SAMD5: variants seen among roughly 807,000 people sequenced by gnomAD.
SAMD5 encodes sterile alpha motif domain containing 5.
SAMD5 carries 13 observed loss-of-function variants against 11.3 expected under a neutral mutation model. That is an observed-to-expected ratio of 1.15 (90% CI 0.75 to 1.83). The LOEUF is 1.83. Ranked by LOEUF, SAMD5 falls within the 40% of genes most tolerant of loss-of-function variation. SAMD5 has a pLI of 0.00. For missense variants in SAMD5, 255 were observed against 239.1 expected, an observed-to-expected ratio of 1.07 and a Z score of -0.44; for synonymous variants, 129 against 111.3, an observed-to-expected ratio of 1.16 and a Z score of -1.00.
chr6:147,826,741 G>A, the SAMD5 span, among the ~76,000 whole-genome samples: 3 of 152,208 alleles, frequency 2.0e-5, no homozygotes, highest in East Asian at 3.9e-4. Flanking sequence ...TGTGGGATGA[G>A]TGTGCTATTG....
chr6:147,896,228 A>C, the SAMD5 span, among the ~76,000 whole-genome samples: 1 of 152,056 alleles, frequency 6.6e-6, no homozygotes, highest in Non-Finnish European at 1.5e-5. Context: ...TGTTGAACAC[A>C]TTGTGTGGTG....
chr6:147,875,640 C>T, the SAMD5 span, among the ~76,000 whole-genome samples: 1 of 152,148 alleles, frequency 6.6e-6, no homozygotes, highest in East Asian at 1.9e-4. Context: ...TCTGTCCTCA[C>T]AGCCACTCCC....
At chr6:147,591,151 A>G (rs764427302) in intron 1 of SAMD5, among the ~76,000 whole-genome samples, 14 of 15,530 alleles carry the variant, frequency 9.0e-4, no homozygotes, top group Non-Finnish European at 1.4e-3. Flanking sequence ...TTTATGGGGG[A>G]AAAAAAAAAA....
the SAMD5 span, among the ~76,000 whole-genome samples, chr6:147,870,738 C>A: frequency 7.5e-6 from 1 of 132,782 alleles, no homozygotes; most frequent in Non-Finnish European, 1.5e-5. Context: ...AATCTGGAGG[C>A]GAGGGGAGAG....
At chr6:147,877,919 CTAGCTAGATAGA>C in the SAMD5 span, among the ~76,000 whole-genome samples, 1 of 106,400 alleles carries the variant, frequency 9.4e-6, no homozygotes, top group Non-Finnish European at 2.0e-5. Flanking sequence ...AGCTAGCTAG[CTAGCTAGATAGA>C]TAGATAGATA....
chr6:147,558,927 G>C (rs546031566), intron 1 of SAMD5, among the ~76,000 whole-genome samples: 13 of 152,048 alleles, frequency 8.5e-5, no homozygotes. Flanking sequence ...CTCCCTCTTC[G>C]TTCTTAAAAT....
At chr6:147,755,240 G>T in the SAMD5 span, among the ~76,000 whole-genome samples, 1 of 151,762 alleles carries the variant, frequency 6.6e-6, no homozygotes, top group Non-Finnish European at 1.5e-5. Flanking sequence ...TCTTTCACCG[G>T]TGTTTTATGG....
chr6:147,597,174 T>C (rs563015587), intron 1 of SAMD5, among the ~76,000 whole-genome samples: 9 of 152,272 alleles, frequency 5.9e-5, no homozygotes, highest in Middle Eastern at 3.4e-3. Flanking sequence ...AACTGTAAGG[T>C]TGATGATTTT....
chr6:147,856,410 TTG>T, the SAMD5 span, among the ~76,000 whole-genome samples: 1 of 152,196 alleles, frequency 6.6e-6, no homozygotes, highest in Non-Finnish European at 1.5e-5. Context: ...ATATATCAAA[TTG>T]TATGCTTTAA....
the SAMD5 span, among the ~76,000 whole-genome samples, chr6:147,823,585 C>T: frequency 3.3e-5 from 5 of 152,060 alleles, no homozygotes. Context: ...ATGTAACAAA[C>T]CTGCACATTC....
chr6:147,572,188 G>T (rs1789147223), downstream of SAMD5, among the ~76,000 whole-genome samples: 1 of 151,912 alleles, frequency 6.6e-6, no homozygotes, highest in Non-Finnish European at 1.5e-5. Context: ...ATGTGAGATG[G>T]TTAGACAGGG....
the SAMD5 span, among the ~76,000 whole-genome samples, chr6:147,904,729 C>T: frequency 7.1e-4 from 108 of 152,250 alleles, no homozygotes; most frequent in African/African-American, 2.4e-3. Context: ...TTCCCGCTTG[C>T]GGTTGCCAGC....
At chr6:147,924,636 A>G in the SAMD5 span, among the ~76,000 whole-genome samples, 1 of 151,968 alleles carries the variant, frequency 6.6e-6, no homozygotes, top group African/African-American at 2.4e-5. Context: ...AAATAAACCG[A>G]ACAAAACTAA....
At chr6:147,880,350 G>T in the SAMD5 span, among the ~76,000 whole-genome samples, 1 of 150,970 alleles carries the variant, frequency 6.6e-6, no homozygotes, top group South Asian at 2.1e-4. Flanking sequence ...TTCTCTCTGG[G>T]TCTCTCTTGC....
the SAMD5 span, chr6:147,947,605 G>C: frequency 1.3e-5 from 2 of 152,282 alleles, no homozygotes; most frequent in African/African-American, 2.4e-5. Context: ...AAACCAGAAA[G>C]CATAAGCGAA....
the SAMD5 span, among the ~76,000 whole-genome samples, chr6:147,951,022 A>G: frequency 1.3e-5 from 2 of 150,856 alleles, no homozygotes; most frequent in African/African-American, 2.4e-5. Flanking sequence ...TTGGCTCTCC[A>G]TGTGCTAAGT....
At chr6:147,537,283 T>C (rs1395019369) in intron 1 of SAMD5, among the ~76,000 whole-genome samples, 2 of 152,126 alleles carry the variant, frequency 1.3e-5, no homozygotes, top group Non-Finnish European at 2.9e-5. Context: ...TTTTAGACTT[T>C]AGAGGACCTA....
At position 147,563,603 on chromosome 6, in the gene SAMD5, G is replaced by A. The variant is rs541187760; in HGVS notation, c.460-791G>A. Reference sequence around the variant, plus strand: ...GTGGGCACACAGCAGAGCCATGACAGATGGGCAGTGCACTGTAATCTACTG... The same window carrying A: ...GTGGGCACACAGCAGAGCCATGACAAATGGGCAGTGCACTGTAATCTACTG... On this transcript the variant is annotated intron_variant, in intron 1 of 1. Coordinates refer to ENST00000367474, the MANE Select transcript of SAMD5 (RefSeq NM_001030060.3). 3.3e-5 allele frequency among the ~76,000 whole-genome samples: 5 copies of A among 152,284 alleles called. No individual in the cohort carries two copies. In the East Asian group the frequency reaches 9.6e-4, roughly 29 times the overall value.
intron 1 of SAMD5, among the ~76,000 whole-genome samples, chr6:147,658,718 A>G (rs573762874): frequency 1.3e-5 from 2 of 152,098 alleles, no homozygotes; most frequent in South Asian, 2.1e-4. Flanking sequence ...CTTTGAGCAC[A>G]TGGAATTAAG....
Sources: gnomAD v4.1 joint callset for allele counts (sites outside exome capture counted in the v4.1 genomes callset) on GRCh38, gnomAD v4.1.1 for gene constraint, MANE v1.5 for transcripts, NCBI Gene and HGNC (gene_info 2026-07-23, HGNC 2026-07-21) for gene names.